EPHA3: variants seen among roughly 807,000 people sequenced by gnomAD.
The protein encoded by EPHA3 is ephrin type-A receptor 3.
EPHA3 carries 42 observed loss-of-function variants against 107.1 expected under a neutral mutation model. The observed-to-expected ratio is 0.39, with a 90% CI of 0.31 to 0.51. The LOEUF (loss-of-function observed/expected upper bound fraction) is 0.51. Among genes scored for constraint, EPHA3 ranks in the 20% least tolerant of loss-of-function variants. The probability of loss-of-function intolerance (pLI) is 0.78; values close to 1 mark genes in which losing one functional copy is unlikely to be tolerated. For missense variants in EPHA3, 1,183 were observed against 1,211.2 expected, an observed-to-expected ratio of 0.98 and a Z score of 0.35; for synonymous variants, 461 against 424.8, an observed-to-expected ratio of 1.09 and a Z score of -1.05.
chr3:89,355,120 A>C (rs1707915240), intron 5 of EPHA3, among the ~76,000 whole-genome samples: 1 of 129,084 alleles, frequency 7.7e-6, no homozygotes, highest in Non-Finnish European at 1.5e-5. Flanking sequence ...ACAAATTGAC[A>C]AAAAAAAAAA....
intron 5 of EPHA3, among the ~76,000 whole-genome samples, chr3:89,347,577 T>C (rs1489035857): frequency 1.3e-5 from 2 of 149,718 alleles, no homozygotes; most frequent in Non-Finnish European, 1.5e-5. Context: ...CAATTTGACT[T>C]CCTCTTTTCC....
At chr3:89,136,066 T>C (rs745394223) in intron 2 of EPHA3, among the ~76,000 whole-genome samples, 8 of 152,090 alleles carry the variant, frequency 5.3e-5, no homozygotes, top group African/African-American at 1.7e-4. Context: ...GGGTTTTATA[T>C]GCAGAAATAA....
At position 89,431,319 on chromosome 3, in the gene EPHA3, G is replaced by A. The variant is rs1709564738; in HGVS notation, c.2306G>A (p.Arg769His). Residue 769 changes from arginine (R) to histidine (H), a missense_variant, in exon 13 of 17, where the codon CGT (arginine) becomes CAT (histidine). Physicochemically the swap from Arg to His is conservative, Grantham distance 29. Coordinates refer to ENST00000336596, the MANE Select transcript of EPHA3 (RefSeq NM_005233.6). The stretch of plus-strand genomic sequence containing the variant: ...AAGGTTTCTGATTTCGGACTTTCGC[G>A]TGTCCTGGAGGATGACCCAGAAGCT... ...VCKVSDFGLSRVLEDDPEAAY... is the reference protein window; with the variant it reads ...VCKVSDFGLSHVLEDDPEAAY... 3 of 1,613,502 alleles carry A rather than the reference G, an allele frequency of 1.9e-6. No individual in the cohort carries two copies. Among genetic ancestry groups the A allele is most frequent in the Non-Finnish European group, 2.5e-6 (3 of 1,179,878 alleles).
At chr3:89,118,083 GTTTACT>G (rs56778358) in intron 1 of EPHA3, among the ~76,000 whole-genome samples, 79,711 of 150,734 alleles carry the variant, frequency 0.53, 21,935 homozygotes, top group Admixed American at 0.64. Context: ...TTTTCTCTTG[GTTTACT>G]TTTACTATCT....
intron 11 of EPHA3, among the ~76,000 whole-genome samples, chr3:89,428,896 G>T (rs1709507131): frequency 1.3e-5 from 2 of 152,034 alleles, no homozygotes; most frequent in African/African-American, 4.8e-5. Context: ...ATGGGCCTTT[G>T]TTCTGGAAAC....
chr3:89,437,244 C>T (rs1406041043), intron 13 of EPHA3, among the ~76,000 whole-genome samples: 2 of 151,996 alleles, frequency 1.3e-5, no homozygotes, highest in African/African-American at 2.4e-5. Flanking sequence ...TGATATAAAT[C>T]TAAATTATGG....
At chr3:89,299,740 A>G (rs1372760072) in intron 3 of EPHA3, among the ~76,000 whole-genome samples, 5 of 152,068 alleles carry the variant, frequency 3.3e-5, no homozygotes, top group Non-Finnish European at 7.4e-5. Flanking sequence ...ACAGATAATT[A>G]CTAAAACGTT....
chr3:89,127,190 G>A lies in EPHA3; in HGVS notation c.89-19G>A. On this transcript the variant is annotated intron_variant, in intron 1 of 16. Transcript: ENST00000336596. ...ATTCACTGTTATTAACTGTGTTTGT[G>A]TATTATGTTTTATTTTAGTCAATCT... The A allele has an allele frequency of 1.3e-6, 2 of 1,591,834 alleles. No homozygotes were observed. The highest frequency in any genetic ancestry group is 1.7e-6 in the Non-Finnish European group (2 of 1,160,488).
At chr3:89,265,940 T>G (rs1705529314) in intron 3 of EPHA3, among the ~76,000 whole-genome samples, 1 of 152,124 alleles carries the variant, frequency 6.6e-6, no homozygotes, top group South Asian at 2.1e-4. Flanking sequence ...CATTTCTACT[T>G]TAAAAAGTTT....
intron 16 of EPHA3, among the ~76,000 whole-genome samples, chr3:89,476,732 G>C (rs1454213017): frequency 5.3e-5 from 8 of 151,190 alleles, no homozygotes; most frequent in African/African-American, 1.7e-4. Context: ...CTCAGCCTCC[G>C]GAGTAGCTGG....
chr3:89,395,179 T>C (rs1427933155), intron 5 of EPHA3, among the ~76,000 whole-genome samples: 1 of 152,166 alleles, frequency 6.6e-6, no homozygotes, highest in East Asian at 1.9e-4. Flanking sequence ...TTGTAACACA[T>C]ATAGCAGTCA....
chr3:89,258,347 T>C (rs1050377042), intron 3 of EPHA3, among the ~76,000 whole-genome samples: 3 of 152,198 alleles, frequency 2.0e-5, no homozygotes, highest in African/African-American at 7.2e-5. Flanking sequence ...AAGAATATTT[T>C]AAGACAATGA....
chr3:89,116,740 A>C (rs1233487178), intron 1 of EPHA3, among the ~76,000 whole-genome samples: 2 of 142,994 alleles, frequency 1.4e-5, no homozygotes, highest in South Asian at 2.3e-4. Flanking sequence ...AAAAAAAAAA[A>C]ACTAATGTGG....
At chr3:89,433,305 A>G (rs1019236057) in intron 13 of EPHA3, among the ~76,000 whole-genome samples, 1 of 120,426 alleles carries the variant, frequency 8.3e-6, no homozygotes, top group African/African-American at 3.3e-5. Context: ...ATTCCCGATT[A>G]AAAAAAAAAG....
intron 5 of EPHA3, among the ~76,000 whole-genome samples, chr3:89,370,042 C>A (rs1192094481): frequency 6.6e-6 from 1 of 150,556 alleles, no homozygotes; most frequent in African/African-American, 2.4e-5. Flanking sequence ...AATAGGAACA[C>A]TTTTACAATG....
At chr3:89,203,248 TTTG>T (rs773432355) in intron 2 of EPHA3, among the ~76,000 whole-genome samples, 9 of 150,960 alleles carry the variant, frequency 6.0e-5, no homozygotes, top group African/African-American at 9.7e-5. Context: ...TGGTTTTGTT[TTTG>T]TTGTTGTTGT....
chr3:89,286,523 G>A (rs558386341), intron 3 of EPHA3, among the ~76,000 whole-genome samples: 1 of 152,108 alleles, frequency 6.6e-6, no homozygotes, highest in African/African-American at 2.4e-5. Context: ...TGGCAGCAGT[G>A]AAAGTGATGA....
chr3:89,116,322 G>A (rs1348162947), intron 1 of EPHA3, among the ~76,000 whole-genome samples: 1 of 152,068 alleles, frequency 6.6e-6, no homozygotes, highest in Non-Finnish European at 1.5e-5. Context: ...TTAACAATTG[G>A]AATTATCTTA....
At chr3:89,178,749 C>A (rs1472478648) in intron 2 of EPHA3, among the ~76,000 whole-genome samples, 1 of 151,612 alleles carries the variant, frequency 6.6e-6, no homozygotes, top group Non-Finnish European at 1.5e-5. Flanking sequence ...CATTTTGAGT[C>A]CATAACTTCT....
Sources: gnomAD v4.1 joint callset for allele counts (sites outside exome capture counted in the v4.1 genomes callset) on GRCh38, gnomAD v4.1.1 for gene constraint, MANE v1.5 for transcripts, NCBI Gene and HGNC (gene_info 2026-07-23, HGNC 2026-07-21) for gene names.